Variants in PTPRT observed in about 807,000 individuals in gnomAD.
The protein encoded by PTPRT is receptor-type tyrosine-protein phosphatase T.
PTPRT carries 56 observed loss-of-function variants against 176.8 expected under a neutral mutation model. That is an observed-to-expected ratio of 0.32 (90% CI 0.26 to 0.40). The LOEUF (loss-of-function observed/expected upper bound fraction) is 0.40, where lower values mean the gene tolerates loss of function less well. Ranked by LOEUF, PTPRT falls within the 10% of genes least tolerant of loss-of-function variation. The probability of loss-of-function intolerance (pLI) is 1.00; values close to 1 mark genes in which losing one functional copy is unlikely to be tolerated. For missense variants in PTPRT, 1,540 were observed against 1,908.2 expected (o/e 0.81, Z 3.60); for synonymous variants, 783 against 739.0 (o/e 1.06, Z -0.96).
rs1982565302 is a variant in PTPRT, at chr20:42,074,276, A to G, written c.*6603T>C. The G allele has an allele frequency of 4.4e-6, 1 of 229,314 alleles. No homozygotes were observed. The highest frequency in any genetic ancestry group is 5.7e-5 in the Admixed American group (1 of 17,666). 14.2% of individuals were successfully genotyped at this position (229,314 alleles called of 1,614,324 possible). A position where few individuals can be genotyped will look rare whatever the true frequency, so the allele number is the denominator to read the frequency against. ...GGACCATCATAGAGAAGGCCCACTG[A>G]TTTGTATTCATAAGCCCAAAGGCAC... On this transcript the variant is annotated 3_prime_UTR_variant, in exon 31 of 31. Coordinates refer to ENST00000373187, the MANE Select transcript of PTPRT (RefSeq NM_007050.6).
At chr20:42,910,148 GC>G (rs2145931167) in intron 1 of PTPRT, among the ~76,000 whole-genome samples, 2 of 152,258 alleles carry the variant, frequency 1.3e-5, no homozygotes, top group Non-Finnish European at 2.9e-5. Context: ...CCAAACCGCA[GC>G]CCCCAAAGAC....
At chr20:42,771,328 A>G (rs1322106828) in intron 5 of PTPRT, 107 bp downstream of exon 5, 3 of 970,678 alleles carry the variant, frequency 3.1e-6, no homozygotes, top group East Asian at 2.4e-5. Context: ...CCCCCTCTGC[A>G]TGTCTTTGTT....
chr20:42,143,104 G>T (rs1600582109), intron 17 of PTPRT, among the ~76,000 whole-genome samples: 2 of 152,250 alleles, frequency 1.3e-5, no homozygotes, highest in South Asian at 4.1e-4. Flanking sequence ...GCTATTACTG[G>T]TTAATGAACT....
chr20:42,178,111 T>C lies in PTPRT; in HGVS notation c.2492-16569A>G, dbSNP rs145924877. 2.9e-3 allele frequency among the ~76,000 whole-genome samples: 449 copies of C among 152,232 alleles called. 1 individual carries two copies. The highest frequency in any genetic ancestry group is 0.01 in the African/African-American group (419 of 41,538). On this transcript the variant is annotated intron_variant, in intron 16 of 30. Coordinates refer to ENST00000373187, the MANE Select transcript of PTPRT (RefSeq NM_007050.6). ...TGCCACCACACCCGGCTAATTTTTG[T>C]ATTTTTAGTAGAGATAAGATTTCAC...
intron 1 of PTPRT, among the ~76,000 whole-genome samples, chr20:43,100,308 C>G (rs1160750746): frequency 6.6e-6 from 1 of 152,094 alleles, no homozygotes; most frequent in Non-Finnish European, 1.5e-5. Flanking sequence ...ACCCAAGAGG[C>G]AGGGGTTGCA....
intron 7 of PTPRT, among the ~76,000 whole-genome samples, chr20:42,489,545 T>A (rs908130091): frequency 2.0e-5 from 3 of 151,964 alleles, no homozygotes; most frequent in African/African-American, 7.3e-5. Flanking sequence ...TTCCCCACTC[T>A]CCTACCATGA....
chr20:42,340,240 G>C (rs1304245774), intron 11 of PTPRT, among the ~76,000 whole-genome samples: 1 of 152,112 alleles, frequency 6.6e-6, no homozygotes, highest in African/African-American at 2.4e-5. Context: ...TTACTGTATT[G>C]GACAGTGTAA....
At chr20:42,099,333 G>C (rs1985630092) in intron 26 of PTPRT, among the ~76,000 whole-genome samples, 1 of 152,102 alleles carries the variant, frequency 6.6e-6, no homozygotes, top group Non-Finnish European at 1.5e-5. Context: ...ATGTCACACA[G>C]ATTGAATGAG....
At chr20:42,275,597 G>A (rs772310569) in intron 13 of PTPRT, among the ~76,000 whole-genome samples, 12 of 152,136 alleles carry the variant, frequency 7.9e-5, no homozygotes, top group Non-Finnish European at 1.5e-4. Context: ...TGTGGCGGGG[G>A]AAGTTTGAGC....
intron 17 of PTPRT, among the ~76,000 whole-genome samples, chr20:42,158,013 C>A (rs900679252): frequency 6.6e-6 from 1 of 152,096 alleles, no homozygotes; most frequent in African/African-American, 2.4e-5. Flanking sequence ...ATGATTCCAG[C>A]CCCCAGCCTT....
chr20:42,091,727 A>G (rs1023272257), intron 27 of PTPRT, among the ~76,000 whole-genome samples: 2 of 152,192 alleles, frequency 1.3e-5, no homozygotes, highest in Admixed American at 6.5e-5. Flanking sequence ...CTTTGATACT[A>G]TGTCCAGTTA....
At chr20:42,366,816 G>A (rs564816375) in intron 9 of PTPRT, among the ~76,000 whole-genome samples, 4 of 152,342 alleles carry the variant, frequency 2.6e-5, no homozygotes, top group African/African-American at 4.8e-5. Flanking sequence ...GTCCTAAGCT[G>A]GGGATTGCAG....
intron 1 of PTPRT, among the ~76,000 whole-genome samples, chr20:42,901,491 G>A (rs1048099502): frequency 1.3e-5 from 2 of 151,922 alleles, no homozygotes; most frequent in African/African-American, 4.8e-5. Flanking sequence ...TCTACACTTA[G>A]ATACTCAATG....
chr20:43,061,483 G>A (rs766628930), intron 1 of PTPRT, among the ~76,000 whole-genome samples: 20 of 152,150 alleles, frequency 1.3e-4, no homozygotes, highest in Non-Finnish European at 2.4e-4. Context: ...TCCTTGGACC[G>A]TGAGCCCAGA....
rs190457952 is a variant in PTPRT at position 42,907,812 on chromosome 20, T to G, written c.89-21880A>C. 5.2e-3 allele frequency among the ~76,000 whole-genome samples: 742 copies of G among 143,626 alleles called. 5 individuals are homozygous for G. The highest frequency in any genetic ancestry group is 8.3e-3 in the Non-Finnish European group (562 of 67,966). 94.2% of individuals were successfully genotyped at this position (143,626 alleles called of 152,430 possible). On this transcript the variant is annotated intron_variant, in intron 1 of 30. Coordinates refer to ENST00000373187, the MANE Select transcript of PTPRT (RefSeq NM_007050.6). The stretch of plus-strand genomic sequence containing the variant: ...CTCTCATCCAGGAGAGCCCCATAAC[T>G]GGAAGGGTACAAGTGGGGGCAGAGT...
In PTPRT at chr20:42,771,557, G is replaced by A; in HGVS notation, c.569-7C>T. On this transcript the variant is annotated splice_region_variant and splice_polypyrimidine_tract_variant and intron_variant, in intron 4 of 30. Coordinates refer to ENST00000373187, the MANE Select transcript of PTPRT (RefSeq NM_007050.6). Reference sequence around the variant, plus strand: ...AGAAAATGAGGTGCTTTTCCTAAGAGAGAAACCAAAGAACACAAGAGAATG... The same window carrying A: ...AGAAAATGAGGTGCTTTTCCTAAGAAAGAAACCAAAGAACACAAGAGAATG... 6.2e-7 allele frequency: 1 copy of A among 1,610,126 alleles called. No homozygotes were observed. The highest frequency in any genetic ancestry group is 8.5e-7 in the Non-Finnish European group (1 of 1,176,390).
intron 7 of PTPRT, among the ~76,000 whole-genome samples, chr20:42,648,823 T>A (rs113968917): frequency 3.8e-5 from 1 of 26,168 alleles, no homozygotes; most frequent in Middle Eastern, 0.033. Flanking sequence ...TGTCGTTGTT[T>A]TTTTTTTTTT....
chr20:42,518,887 A>G (rs1309297179), intron 7 of PTPRT, among the ~76,000 whole-genome samples: 1 of 152,158 alleles, frequency 6.6e-6, no homozygotes, highest in Non-Finnish European at 1.5e-5. Context: ...TTTAATGTAC[A>G]GTATTTTATT....
At chr20:43,140,771 A>C (rs190942446) in intron 1 of PTPRT, among the ~76,000 whole-genome samples, 27 of 152,308 alleles carry the variant, frequency 1.8e-4, no homozygotes, top group African/African-American at 6.5e-4. Flanking sequence ...ATGCCCTTAC[A>C]GAGCCACTGT....
Sources: gnomAD v4.1 joint callset for allele counts (sites outside exome capture counted in the v4.1 genomes callset) on GRCh38, gnomAD v4.1.1 for gene constraint, MANE v1.5 for transcripts, NCBI Gene and HGNC (gene_info 2026-07-23, HGNC 2026-07-21) for gene names.